Variants in STPG4 observed in about 807,000 individuals in gnomAD.
STPG4 encodes protein STPG4.
Under a neutral mutation model 31.5 loss-of-function variants are expected in STPG4, and 41 were observed. The observed-to-expected ratio is 1.30, with a 90% CI of 1.01 to 1.69. The LOEUF (loss-of-function observed/expected upper bound fraction) is 1.69, where lower values mean the gene tolerates loss of function less well. STPG4 is among the 40% of genes most tolerant of loss of function. The pLI, the probability that STPG4 is intolerant of heterozygous loss-of-function variation, is 0.00. For missense variants in STPG4, 375 were observed against 293.4 expected, an observed-to-expected ratio of 1.28 and a Z score of -2.03; for synonymous variants, 141 against 103.0, an observed-to-expected ratio of 1.37 and a Z score of -2.24.
intron 3 of STPG4, among the ~76,000 whole-genome samples, chr2:47,145,936 T>C (rs544711995): frequency 2.0e-5 from 3 of 152,286 alleles, no homozygotes; most frequent in Middle Eastern, 6.8e-3. Flanking sequence ...ATGGGGCTCA[T>C]TGAGAACATG....
intron 5 of STPG4, among the ~76,000 whole-genome samples, chr2:47,096,833 C>G (rs939947008): frequency 2.6e-5 from 4 of 152,068 alleles, no homozygotes; most frequent in African/African-American, 9.7e-5. Context: ...AGTGAAAATC[C>G]CAATATACGA....
intron 5 of STPG4, among the ~76,000 whole-genome samples, chr2:47,116,972 G>A (rs141196225): frequency 6.6e-6 from 1 of 152,032 alleles, no homozygotes; most frequent in Admixed American, 6.5e-5. Context: ...TTATGGAAAG[G>A]CTCTTGGACC....
chr2:47,138,005 T>G (rs71423947), intron 3 of STPG4, among the ~76,000 whole-genome samples: 3,334 of 152,246 alleles, frequency 0.022, 44 homozygotes, highest in African/African-American at 0.033. Context: ...ATTTCTTTTC[T>G]TTCACTTACT....
At chr2:47,116,666 T>C (rs1012140486) in intron 5 of STPG4, among the ~76,000 whole-genome samples, 1 of 152,190 alleles carries the variant, frequency 6.6e-6, no homozygotes, top group East Asian at 1.9e-4. Flanking sequence ...CTAATTCTTG[T>C]CTCATTTATG....
rs927913047 is a variant in STPG4, at chr2:47,103,566, C to G, written c.520-13192G>C. 2.2e-4 allele frequency among the ~76,000 whole-genome samples: 34 copies of G among 151,898 alleles called. 2 individuals carry two copies. Among genetic ancestry groups the G allele is most frequent in the African/African-American group, 7.8e-4 (32 of 41,218 alleles). ...ACAAACCTTGGTGGTTCAGAGAGGA[C>G]AGAAAATGGAGCAGGCCAATCACCT... On this transcript the variant is annotated intron_variant, in intron 5 of 6. Transcript: ENST00000445927.
intron 5 of STPG4, among the ~76,000 whole-genome samples, chr2:47,113,403 G>A (rs1686080250): frequency 6.6e-6 from 1 of 152,064 alleles, no homozygotes; most frequent in Non-Finnish European, 1.5e-5. Flanking sequence ...ACAGATAACT[G>A]GGCAAAGACC....
intron 3 of STPG4, among the ~76,000 whole-genome samples, chr2:47,146,688 T>A (rs547384919): frequency 3.9e-5 from 6 of 151,968 alleles, no homozygotes; most frequent in African/African-American, 1.4e-4. Context: ...TGAGACTGGA[T>A]GAGATCACCA....
chr2:47,096,135 G>A lies in STPG4; in HGVS notation c.520-5761C>T, dbSNP rs796723723. On this transcript the variant is annotated intron_variant, in intron 5 of 6. Transcript: ENST00000445927. ...GCAGAACTTAGTCCTCATCGACCAA[G>A]TAGGCGTGGATTTCCTATGCTCATC... 3.2e-4 allele frequency among the ~76,000 whole-genome samples: 48 copies of A among 152,346 alleles called. 1 individual carries two copies. Among genetic ancestry groups the A allele is most frequent in the African/African-American group, 1.0e-3 (42 of 41,580 alleles).
At chr2:47,128,910 A>C (rs35730474) in intron 5 of STPG4, 3,823 of 152,374 alleles carry the variant, frequency 0.025, 66 homozygotes, top group African/African-American at 0.043. Flanking sequence ...CTGAAGCAGC[A>C]CAGCACTGGC....
In STPG4 at chr2:47,149,328, C is replaced by T. The variant is rs547455520; in HGVS notation, c.399+1930G>A. ...TACGTTTTCTCCTTTCAACACTGGG[C>T]CTTTGGCTGATTTTCAGGGACTTGT... On this transcript the variant is annotated intron_variant, in intron 3 of 6. Transcript: ENST00000445927. Among the ~76,000 whole-genome samples the T allele has an allele frequency of 7.2e-5, 11 of 152,256 alleles. No individual in the cohort carries two copies. The East Asian group carries it at 2.1e-3, about 29-fold the overall frequency.
At chr2:47,118,832 G>T (rs1204711954) in intron 5 of STPG4, among the ~76,000 whole-genome samples, 1 of 152,146 alleles carries the variant, frequency 6.6e-6, no homozygotes, top group Non-Finnish European at 1.5e-5. Flanking sequence ...GACACTAAAC[G>T]GGTGGTAGTC....
rs13023742 is a variant in STPG4 at position 47,116,466 on chromosome 2, C to A, written c.519+13475G>T. Reference sequence around the variant, plus strand: ...CTAGTTAAACATCTGTGAAAATTCCCAACATAGCAACTCTGTAAATTTTAT... The same window carrying A: ...CTAGTTAAACATCTGTGAAAATTCCAAACATAGCAACTCTGTAAATTTTAT... On this transcript the variant is annotated intron_variant, in intron 5 of 6. Transcript: ENST00000445927. Among the ~76,000 whole-genome samples the A allele has an allele frequency of 3.7e-3, 556 of 152,242 alleles. 2 individuals carry two copies. The highest frequency in any genetic ancestry group is 6.8e-3 in the Middle Eastern group (2 of 294).
chr2:47,107,547 A>G (rs944356540), intron 5 of STPG4, among the ~76,000 whole-genome samples: 4 of 152,080 alleles, frequency 2.6e-5, no homozygotes, highest in African/African-American at 4.8e-5. Flanking sequence ...GCAGCCCGCC[A>G]TGCCTGAGCC....
intron 5 of STPG4, among the ~76,000 whole-genome samples, chr2:47,109,709 A>T (rs1423539727): frequency 2.0e-5 from 3 of 152,220 alleles, no homozygotes; most frequent in Non-Finnish European, 4.4e-5. Flanking sequence ...CCATTCAAGC[A>T]GAAATCAATT....
At chr2:47,136,308 G>A (rs1015258384) in intron 3 of STPG4, among the ~76,000 whole-genome samples, 2 of 152,028 alleles carry the variant, frequency 1.3e-5, no homozygotes, top group African/African-American at 4.8e-5. Context: ...ACCATGCCCA[G>A]CTAATTTTTT....
At chr2:47,101,855 T>G (rs2103740782) in intron 5 of STPG4, among the ~76,000 whole-genome samples, 1 of 151,966 alleles carries the variant, frequency 6.6e-6, no homozygotes, top group South Asian at 2.1e-4. Flanking sequence ...CCACTTCATT[T>G]TTGGGGCATA....
At chr2:47,108,091 T>C (rs369042797) in intron 5 of STPG4, among the ~76,000 whole-genome samples, 18 of 151,724 alleles carry the variant, frequency 1.2e-4, no homozygotes, top group African/African-American at 4.1e-4. Context: ...AGAACCTTTG[T>C]GTCAACACTC....
chr2:47,132,644 C>T (rs1186511715), intron 3 of STPG4, among the ~76,000 whole-genome samples: 1 of 152,150 alleles, frequency 6.6e-6, no homozygotes, highest in Non-Finnish European at 1.5e-5. Flanking sequence ...TATAGAAGCA[C>T]AGAAACACAA....
At chr2:47,116,527 C>G (rs1275496597) in intron 5 of STPG4, among the ~76,000 whole-genome samples, 1 of 152,156 alleles carries the variant, frequency 6.6e-6, no homozygotes, top group Admixed American at 6.5e-5. Flanking sequence ...ACGGAATTGT[C>G]TTAAGGCTAC....
Sources: gnomAD v4.1 joint callset for allele counts (sites outside exome capture counted in the v4.1 genomes callset) on GRCh38, gnomAD v4.1.1 for gene constraint, MANE v1.5 for transcripts, NCBI Gene and HGNC (gene_info 2026-07-23, HGNC 2026-07-21) for gene names.